The following HIVEP2 variants were observed in gnomAD, a reference collection of about 807,000 sequenced individuals.
The protein encoded by HIVEP2 is transcription factor HIVEP2.
HIVEP2 carries 14 observed loss-of-function variants against 180.7 expected under a neutral mutation model. The ratio of observed to expected loss-of-function variants is 0.08; its 90% confidence interval spans 0.05 to 0.12. HIVEP2 has a LOEUF of 0.12. HIVEP2 is among the 10% of genes least tolerant of loss of function. HIVEP2 has a pLI of 1.00. For missense variants in HIVEP2, 2,579 were observed against 3,008.5 expected (o/e 0.86, Z 3.34); for synonymous variants, 1,184 against 1,136.4 (o/e 1.04, Z -0.84).
chr6:142,894,547 T>A (rs987505100), intron 1 of HIVEP2, among the ~76,000 whole-genome samples: 4 of 152,202 alleles, frequency 2.6e-5, no homozygotes, highest in Admixed American at 1.3e-4. Flanking sequence ...TATGTCCCTA[T>A]TTTACATAAT....
At chr6:142,931,286 T>C (rs1389272957) in intron 1 of HIVEP2, among the ~76,000 whole-genome samples, 4 of 151,600 alleles carry the variant, frequency 2.6e-5, no homozygotes, top group Admixed American at 2.6e-4. Context: ...ATCTATATAG[T>C]GCCTTACAGT....
intron 2 of HIVEP2, among the ~76,000 whole-genome samples, chr6:142,793,622 C>CTT (rs757277088): frequency 2.0e-5 from 1 of 50,298 alleles, no homozygotes; most frequent in Non-Finnish European, 4.7e-5. Flanking sequence ...ATCCTTCCTT[C>CTT]TCTTTCTTTC....
At chr6:142,806,192 TAC>T (rs1467637385) in intron 2 of HIVEP2, among the ~76,000 whole-genome samples, 1 of 152,180 alleles carries the variant, frequency 6.6e-6, no homozygotes, top group Non-Finnish European at 1.5e-5. Context: ...AGAAATAGGA[TAC>T]AAAATGGCTT....
intron 1 of HIVEP2, among the ~76,000 whole-genome samples, chr6:142,847,779 G>C (rs1775554098): frequency 6.6e-6 from 1 of 151,906 alleles, no homozygotes; most frequent in African/African-American, 2.4e-5. Flanking sequence ...ACCAGTATAA[G>C]ACTCCAAAAT....
chr6:142,804,240 C>T (rs531741166), intron 2 of HIVEP2, among the ~76,000 whole-genome samples: 2 of 152,204 alleles, frequency 1.3e-5, no homozygotes, highest in East Asian at 3.9e-4. Flanking sequence ...TAGTTGTGGC[C>T]TGGAGAACTC....
At chr6:142,874,971 G>C (rs1260973623) in intron 1 of HIVEP2, among the ~76,000 whole-genome samples, 1 of 152,190 alleles carries the variant, frequency 6.6e-6, no homozygotes, top group African/African-American at 2.4e-5. Context: ...CTGAGATGCA[G>C]AGGTGAATAA....
rs1225285507 is a variant in HIVEP2 at position 142,752,291 on chromosome 6, CT to C, written c.*815del. ...CAAATACTTTTAATATTATTTATAACTGATTTATAAAGCTTTGAAAAAACTC... is the reference window on the plus strand; with the variant it reads ...CAAATACTTTTAATATTATTTATAACGATTTATAAAGCTTTGAAAAAACTC... On this transcript the variant is annotated 3_prime_UTR_variant, in exon 10 of 10. Transcript: ENST00000367603. 2 of 152,542 alleles carry C rather than the reference CT, an allele frequency of 1.3e-5. No individual in the cohort carries two copies. Among genetic ancestry groups the C allele is most frequent in the Non-Finnish European group, 2.9e-5 (2 of 68,026 alleles). 9.4% of individuals were successfully genotyped at this position (152,542 alleles called of 1,614,324 possible).
chr6:142,799,759 C>T (rs1286509650), intron 2 of HIVEP2, among the ~76,000 whole-genome samples: 2 of 152,142 alleles, frequency 1.3e-5, no homozygotes, highest in African/African-American at 4.8e-5. Context: ...CTAGTGACAT[C>T]AAACAGCAGG....
intron 1 of HIVEP2, among the ~76,000 whole-genome samples, chr6:142,929,463 C>CA (rs892169684): frequency 8.7e-5 from 13 of 149,462 alleles, no homozygotes; most frequent in Admixed American, 1.3e-4. Context: ...TAAACCAGAA[C>CA]AAAAAAAAAG....
intron 3 of HIVEP2, among the ~76,000 whole-genome samples, chr6:142,777,282 T>C (rs1775726123): frequency 6.6e-6 from 1 of 152,112 alleles, no homozygotes; most frequent in Admixed American, 6.5e-5. Context: ...ATAAATAAAG[T>C]ACAGCTATAA....
At chr6:142,810,761 C>CAAAAA (rs60893476) in intron 2 of HIVEP2, among the ~76,000 whole-genome samples, 1 of 100,752 alleles carries the variant, frequency 9.9e-6, no homozygotes, top group Admixed American at 1.1e-4. Flanking sequence ...GACTCTGTCT[C>CAAAAA]AAAAAAAAAA....
intron 6 of HIVEP2, among the ~76,000 whole-genome samples, chr6:142,765,582 C>A (rs1279479263): frequency 6.6e-6 from 1 of 152,140 alleles, no homozygotes; most frequent in Non-Finnish European, 1.5e-5. Context: ...TTCCCAAAGA[C>A]CATGAATCTG....
chr6:142,911,501 A>G (rs1459137275), intron 1 of HIVEP2, among the ~76,000 whole-genome samples: 1 of 152,226 alleles, frequency 6.6e-6, no homozygotes, highest in African/African-American at 2.4e-5. Context: ...TTATAAACAT[A>G]TATTATCTTT....
At position 142,770,395 on chromosome 6, in the gene HIVEP2, C is replaced by T; in HGVS notation, c.4344G>A (p.Leu1448=). The change falls in exon 5 of 10, where the codon TTG becomes TTA. Residue 1448 remains leucine (L), a synonymous_variant. Transcript: ENST00000367603. This position sits in a 1 kb window ranked among gnomAD's most constrained non-coding sequence, Gnocchi z 4.7. ...GCTGCTTGGTTTCCATGAAGAGCTCCAAGCTACTGGCTGGAGAAAGCATTC... is the reference window on the plus strand; with the variant it reads ...GCTGCTTGGTTTCCATGAAGAGCTCTAAGCTACTGGCTGGAGAAAGCATTC... ...SKRMLSPASS[L]ELFMETKQQK... 1 of 1,614,122 alleles carries T rather than the reference C, an allele frequency of 6.2e-7. No homozygotes were observed. Among genetic ancestry groups the T allele is most frequent in the Non-Finnish European group, 8.5e-7 (1 of 1,180,026 alleles).
In HIVEP2 at chr6:142,753,515, C is replaced by T. The variant is rs1036310772; in HGVS notation, c.6933G>A (p.Ser2311=). 1.2e-6 allele frequency: 2 copies of T among 1,614,118 alleles called. No individual in the cohort carries two copies. Among genetic ancestry groups the T allele is most frequent in the South Asian group, 1.1e-5 (1 of 91,082 alleles). Residue 2311 remains serine, a synonymous_variant, in exon 10 of 10, where the codon TCG becomes TCA. Transcript: ENST00000367603. ...GCTCTGTTGCGTTTAGGCTGTCTTC[C>T]GAAGTGCTCTGTTTCATCAACAGCC... The part of the protein sequence containing the change: ...SPRLLMKQST[S]EDSLNATERE...
In HIVEP2 at chr6:142,753,364, G is replaced by A. The variant is rs1269148533; in HGVS notation, c.7084C>T (p.Leu2362=). 6.2e-7 allele frequency: 1 copy of A among 1,614,072 alleles called. No homozygotes were observed. The highest frequency in any genetic ancestry group is 2.2e-5 in the East Asian group (1 of 44,886). The change falls in exon 10 of 10, where the codon CTG becomes TTG. Residue 2362 remains leucine (L), a synonymous_variant. Coordinates refer to ENST00000367603, the MANE Select transcript of HIVEP2 (RefSeq NM_006734.4). ...ARVQEPHQNP[L]GSAHVSIRHF... is the part of the protein sequence containing the mutation. ...CTAATGCTAACATGTGCACTTCCCAGGGGGTTCTGGTGGGGCTCCTGCACC... is the reference window on the plus strand; with the variant it reads ...CTAATGCTAACATGTGCACTTCCCAAGGGGTTCTGGTGGGGCTCCTGCACC...
intron 9 of HIVEP2, among the ~76,000 whole-genome samples, chr6:142,756,306 G>A (rs1775067076): frequency 6.6e-6 from 1 of 152,162 alleles, no homozygotes; most frequent in Non-Finnish European, 1.5e-5. Flanking sequence ...TGACCCATTT[G>A]TGCTCAGTCA....
chr6:142,807,404 G>C (rs1776580619), intron 2 of HIVEP2, among the ~76,000 whole-genome samples: 1 of 152,188 alleles, frequency 6.6e-6, no homozygotes. Context: ...CAGCTGGCCT[G>C]AAGGGGGCAT....
chr6:142,780,536 G>C (rs910044399), intron 3 of HIVEP2, among the ~76,000 whole-genome samples: 5 of 152,170 alleles, frequency 3.3e-5, no homozygotes, highest in African/African-American at 1.2e-4. Context: ...AAGAAAGGTA[G>C]GTGGGAGAGA....
Sources: gnomAD v4.1 joint callset for allele counts (sites outside exome capture counted in the v4.1 genomes callset) on GRCh38, gnomAD v4.1.1 for gene constraint, Gnocchi (gnomAD v3.1) non-coding constraint, MANE v1.5 for transcripts, NCBI Gene and HGNC (gene_info 2026-07-23, HGNC 2026-07-21) for gene names.